SASH1: variants seen among roughly 807,000 people sequenced by gnomAD.
SASH1 encodes the protein SAM and SH3 domain containing 1.
SASH1 carries 44 observed loss-of-function variants against 125.2 expected under a neutral mutation model. The ratio of observed to expected loss-of-function variants is 0.35; its 90% CI spans 0.28 to 0.45. The LOEUF (loss-of-function observed/expected upper bound fraction) is 0.45, where lower values mean the gene tolerates loss of function less well. SASH1 is among the 20% of genes least tolerant of loss of function. SASH1 has a pLI of 1.00. For synonymous variants in SASH1, 639 were observed against 649.1 expected (o/e 0.98, Z 0.24); for missense variants, 1,426 against 1,614.5 (o/e 0.88, Z 2.00).
At chr6:148,332,708 C>T (rs1432666659) in intron 1 of SASH1, among the ~76,000 whole-genome samples, 5 of 151,894 alleles carry the variant, frequency 3.3e-5, no homozygotes, top group South Asian at 2.1e-4. Flanking sequence ...ATCTACTGGC[C>T]GGGTGCGGTG....
In SASH1 at chr6:148,406,280, T is replaced by A. The variant is rs1349385900; in HGVS notation, c.285+16018T>A. Among the ~76,000 whole-genome samples, 3 of 152,194 alleles carry A rather than the reference T, an allele frequency of 2.0e-5. No homozygotes were observed. The East Asian group carries it at 5.8e-4, about 29-fold the overall frequency. ...AAAGAATACCTCTGAAGGACTTCAT[T>A]TGGGGGCCCAGTGTGAACATTGCTG... is the stretch of plus-strand genomic sequence containing the variant. On this transcript the variant is annotated intron_variant, in intron 2 of 19. Coordinates refer to ENST00000367467, the MANE Select transcript of SASH1 (RefSeq NM_015278.5).
rs190531529 is a variant in SASH1, at chr6:148,383,434, G to A, written c.157-6700G>A. 1.4e-4 allele frequency among the ~76,000 whole-genome samples: 21 copies of A among 152,124 alleles called. No homozygotes were observed. The South Asian group carries it at 3.1e-3, about 23-fold the overall frequency. On this transcript the variant is annotated intron_variant, in intron 1 of 19. Coordinates refer to ENST00000367467, the MANE Select transcript of SASH1 (RefSeq NM_015278.5). ...AATATATGTACTTATTATTAAGGAC[G>A]GAAAAGGTAAAGAAACAATAAAGGA...
chr6:148,272,511 C>T (rs76036621), intron 1 of SASH1: 15,677 of 344,006 alleles, frequency 0.046, 552 homozygotes, highest in East Asian at 0.15. Context: ...ATTTTCAGTG[C>T]TACTGATGAA....
At chr6:148,306,706 G>A (rs1780137987) in intron 1 of SASH1, among the ~76,000 whole-genome samples, 1 of 152,194 alleles carries the variant, frequency 6.6e-6, no homozygotes, top group South Asian at 2.1e-4. Flanking sequence ...AGCTGAGACA[G>A]GGTCAGGTTT....
chr6:148,314,067 G>C (rs960714135), intron 1 of SASH1, among the ~76,000 whole-genome samples: 1 of 150,566 alleles, frequency 6.6e-6, no homozygotes, highest in Admixed American at 6.6e-5. Flanking sequence ...ACATGGTCTA[G>C]AGAGAAAACA....
chr6:148,249,251 A>C, the SASH1 span, among the ~76,000 whole-genome samples: 2 of 152,238 alleles, frequency 1.3e-5, no homozygotes, highest in Non-Finnish European at 2.9e-5. Context: ...ATGACAGCAT[A>C]ATTTCCCTGA....
intron 1 of SASH1, among the ~76,000 whole-genome samples, chr6:148,361,497 G>T (rs554074958): frequency 1.3e-5 from 2 of 152,084 alleles, no homozygotes; most frequent in African/African-American, 4.8e-5. Flanking sequence ...AGCTACTCGG[G>T]AGGCCGAGGC....
At chr6:148,341,217 C>T (rs1322682215), upstream of SASH1, among the ~76,000 whole-genome samples, 1 of 152,104 alleles carries the variant, frequency 6.6e-6, no homozygotes, top group Non-Finnish European at 1.5e-5. Context: ...GCAGCAGGAC[C>T]TCACTGTAAC....
At chr6:148,247,222 G>T in the SASH1 span, among the ~76,000 whole-genome samples, 1 of 152,146 alleles carries the variant, frequency 6.6e-6, no homozygotes, top group Admixed American at 6.5e-5. Context: ...TTATTAATTT[G>T]CCCTGAGAAA....
At chr6:148,470,122 C>T (rs1028992195) in intron 5 of SASH1, among the ~76,000 whole-genome samples, 1 of 151,960 alleles carries the variant, frequency 6.6e-6, no homozygotes, top group African/African-American at 2.4e-5. Context: ...TTAATAATAA[C>T]TAGTCTGCTT....
At chr6:148,470,781 G>A (rs1434557316) in intron 5 of SASH1, among the ~76,000 whole-genome samples, 1 of 152,080 alleles carries the variant, frequency 6.6e-6, no homozygotes. Context: ...GTAAGCTGTA[G>A]GTGGGTCACC....
chr6:148,512,026 TTTA>T (rs1780169712), intron 8 of SASH1, among the ~76,000 whole-genome samples: 1 of 151,436 alleles, frequency 6.6e-6, no homozygotes, highest in Non-Finnish European at 1.5e-5. Context: ...TATTTATTTA[TTTA>T]TTTTTTTGAG....
At chr6:148,346,953 T>C (rs1286969440) in intron 1 of SASH1, among the ~76,000 whole-genome samples, 1 of 152,202 alleles carries the variant, frequency 6.6e-6, no homozygotes, top group East Asian at 1.9e-4. Context: ...AGACTTCTAT[T>C]GAGAAGTGCA....
chr6:148,327,916 G>C (rs933145332), intron 1 of SASH1, among the ~76,000 whole-genome samples: 2 of 147,082 alleles, frequency 1.4e-5, no homozygotes, highest in Admixed American at 1.4e-4. Context: ...ACTCCAGCCT[G>C]GGTGACAGAG....
intron 1 of SASH1, among the ~76,000 whole-genome samples, chr6:148,326,414 C>CTTTTCTTTTCTTTTCT (rs57839850): frequency 1.2e-5 from 1 of 83,978 alleles, no homozygotes; most frequent in African/African-American, 4.4e-5. Flanking sequence ...CTTTTCTTTT[C>CTTTTCTTTTCTTTTCT]TTTTTTTTGA....
At chr6:148,277,914 A>G (rs531003904) in intron 1 of SASH1, among the ~76,000 whole-genome samples, 19 of 152,226 alleles carry the variant, frequency 1.2e-4, no homozygotes, top group African/African-American at 4.6e-4. Context: ...ACGGGGTTTC[A>G]TCATATTGGC....
the SASH1 span, among the ~76,000 whole-genome samples, chr6:148,266,289 C>A: frequency 1.3e-5 from 2 of 152,240 alleles, no homozygotes; most frequent in Admixed American, 1.3e-4. Context: ...TTACCTGATT[C>A]TTTTCCTCTC....
At chr6:148,384,043 C>A (rs927724765) in intron 1 of SASH1, among the ~76,000 whole-genome samples, 14 of 152,132 alleles carry the variant, frequency 9.2e-5, no homozygotes, top group African/African-American at 3.4e-4. Context: ...TAATTTAAAT[C>A]TTCAGCAAGT....
rs1782828673 is a variant in SASH1 at position 148,550,608 on chromosome 6, T to C, written c.*2050T>C. 1 of 152,266 alleles carries C rather than the reference T, an allele frequency of 6.6e-6. No individual in the cohort carries two copies. The highest frequency in any genetic ancestry group is 6.5e-5 in the Admixed American group (1 of 15,290). 9.4% of individuals were successfully genotyped at this position (152,266 alleles called of 1,614,324 possible). ...AAAGCTAAAGCTGCCAAATTTCTGTTGAACTCTTAAAAACAGCTCATGTTT... is the reference window on the plus strand; with the variant it reads ...AAAGCTAAAGCTGCCAAATTTCTGTCGAACTCTTAAAAACAGCTCATGTTT... On this transcript the variant is annotated 3_prime_UTR_variant, in exon 20 of 20. Coordinates refer to ENST00000367467, the MANE Select transcript of SASH1 (RefSeq NM_015278.5).
Sources: gnomAD v4.1 joint callset for allele counts (sites outside exome capture counted in the v4.1 genomes callset) on GRCh38, gnomAD v4.1.1 for gene constraint, MANE v1.5 for transcripts, NCBI Gene and HGNC (gene_info 2026-07-23, HGNC 2026-07-21) for gene names.